ZNF534: variants seen among roughly 807,000 people sequenced by gnomAD.
ZNF534 encodes KRAB domain only 3.
A neutral mutation model predicts 13.6 loss-of-function variants in ZNF534; 19 were observed. That is an observed-to-expected ratio of 1.40 (90% confidence interval 0.97 to 2.05). ZNF534 has a LOEUF of 2.05. ZNF534 is among the 30% of genes most tolerant of loss of function. ZNF534 has a pLI of 0.00. For synonymous variants in ZNF534, 244 were observed against 273.8 expected (o/e 0.89, Z 1.07); for missense variants, 782 against 796.3 (o/e 0.98, Z 0.22).
chr19:52,438,829 T>C lies in ZNF534; in HGVS notation c.1369T>C (p.Cys457Arg). The C allele has an allele frequency of 6.2e-7, 1 of 1,610,996 alleles. No homozygotes were observed. The highest frequency in any genetic ancestry group is 8.5e-7 in the Non-Finnish European group (1 of 1,178,680). The change falls in exon 5 of 5, where the codon TGT becomes CGT. Residue 457 changes from cysteine (C) to arginine (R), a missense_variant. Around this residue, in one of 5 missense-constraint regions of ZNF534, gnomAD observed 591 missense variants for 574.0 expected, o/e 1.03. Coordinates refer to ENST00000433050, the MANE Select transcript of ZNF534 (RefSeq NM_001143938.3). Reference protein sequence around the residue: ...FRHKSSLTYHCRIHTGEKPYK... With the variant: ...FRHKSSLTYHRRIHTGEKPYK... ...GCACAAGTCTTCCCTAACCTATCAC[T>C]GTAGAATTCATACTGGAGAGAAGCC...
intron 4 of ZNF534, among the ~76,000 whole-genome samples, chr19:52,436,705 T>A (rs2608492): frequency 0.94 from 142,464 of 152,202 alleles, 66,917 homozygotes; most frequent in Non-Finnish European, 0.96. Context: ...ATTGTTTTCC[T>A]TTCCTTTTGC....
chr19:52,434,074 C>G lies in ZNF534; in HGVS notation c.135C>G (p.Val45=). ...TGTTAGAGAACTACAGGAACCTGGT[C>G]TCCCTAGGTGAGGATAATGTCCGTC... is the stretch of plus-strand genomic sequence containing the variant. ...DVMLENYRNL[V]SLGICLPDLS... The change falls in exon 3 of 5, where the codon GTC becomes GTG. Residue 45 remains valine, a synonymous_variant. Coordinates refer to ENST00000433050, the MANE Select transcript of ZNF534 (RefSeq NM_001143938.3). 1 of 1,614,012 alleles carries G rather than the reference C, an allele frequency of 6.2e-7. No individual in the cohort carries two copies. Among genetic ancestry groups the G allele is most frequent in the Non-Finnish European group, 8.5e-7 (1 of 1,179,954 alleles).
downstream of ZNF534, among the ~76,000 whole-genome samples, chr19:52,445,877 T>A (rs553096889): frequency 6.6e-6 from 1 of 152,326 alleles, no homozygotes; most frequent in East Asian, 1.9e-4. Flanking sequence ...CACATTGTAA[T>A]CCTTATTATA....
Position 52,438,192 on chromosome 19 carries a change from T to C in ZNF534, c.732T>C (p.Tyr244=), listed in dbSNP as rs1387970617. The change falls in exon 5 of 5, where the codon TAT becomes TAC. Residue 244 remains tyrosine, a synonymous_variant. Coordinates refer to ENST00000433050, the MANE Select transcript of ZNF534 (RefSeq NM_001143938.3). ...ATACTGGAGAGAAGCCTTACAAATA[T>C]AATGAATGTGGCAAAGTCTTCAATC... ...RIHTGEKPYK[Y]NECGKVFNQN... 5 of 1,614,014 alleles carry C rather than the reference T, an allele frequency of 3.1e-6. No individual in the cohort carries two copies. Among genetic ancestry groups the C allele is most frequent in the Non-Finnish European group, 4.2e-6 (5 of 1,180,024 alleles).
intron 4 of ZNF534, among the ~76,000 whole-genome samples, chr19:52,447,798 A>G (rs932659607): frequency 2.6e-5 from 4 of 152,188 alleles, no homozygotes; most frequent in African/African-American, 7.2e-5. Flanking sequence ...TGGAGTACAA[A>G]TCTTTTTATA....
At position 52,436,163 on chromosome 19, in the gene ZNF534, C is replaced by A. The variant is rs1296941981; in HGVS notation, c.271+954C>A. 2.0e-5 allele frequency among the ~76,000 whole-genome samples: 3 copies of A among 151,898 alleles called. No individual in the cohort carries two copies. The East Asian group carries it at 5.8e-4, about 29-fold the overall frequency. On this transcript the variant is annotated intron_variant, in intron 4 of 4. Transcript: ENST00000433050. ...CCGTGTTAGCCAGGATGTTCTCAAT[C>A]TCCTGACCTCATGATCCACACACCT... is the stretch of plus-strand genomic sequence containing the variant.
chr19:52,450,670 GTTTTT>G (rs796423133), intron 4 of ZNF534, among the ~76,000 whole-genome samples: 4 of 37,764 alleles, frequency 1.1e-4, no homozygotes, highest in African/African-American at 2.5e-4. Flanking sequence ...AATTTTAGGA[GTTTTT>G]TTTTTTTTTG....
At chr19:52,450,264 AAG>A (rs1446607327) in intron 4 of ZNF534, among the ~76,000 whole-genome samples, 1 of 152,084 alleles carries the variant, frequency 6.6e-6, no homozygotes, top group African/African-American at 2.4e-5. Context: ...CAATGCCCTG[AAG>A]AGTTTTCCTA....
At chr19:52,433,381 G>A (rs1398703502) in intron 2 of ZNF534, among the ~76,000 whole-genome samples, 1 of 151,216 alleles carries the variant, frequency 6.6e-6, no homozygotes, top group Non-Finnish European at 1.5e-5. Flanking sequence ...TTTGGGGGGG[G>A]GAGGGGACGG....
chr19:52,448,227 C>T (rs1006756981), intron 4 of ZNF534, among the ~76,000 whole-genome samples: 3 of 151,940 alleles, frequency 2.0e-5, no homozygotes, highest in Non-Finnish European at 4.4e-5. Context: ...CCAGCCTGGT[C>T]AACATGGTGA....
At chr19:52,452,103 A>T (rs12977338) in exon 5 of ZNF534, 2 of 167,082 alleles carry the variant, frequency 1.2e-5, no homozygotes, top group Non-Finnish European at 2.6e-5. Context: ...GAGATCATTT[A>T]AAAAAAGCAT....
At position 52,441,856 on chromosome 19, in the gene ZNF534, T is replaced by C. The variant is rs1453462701; in HGVS notation, c.*2410T>C. ...AATGCAACATATGTGGTAAAATGTTTTAGTCACAATTCACACCTTGGACAG... is the reference window on the plus strand; with the variant it reads ...AATGCAACATATGTGGTAAAATGTTCTAGTCACAATTCACACCTTGGACAG... On this transcript the variant is annotated 3_prime_UTR_variant, in exon 5 of 5. Coordinates refer to ENST00000433050, the MANE Select transcript of ZNF534 (RefSeq NM_001143938.3). 6.6e-6 allele frequency among the ~76,000 whole-genome samples: 1 copy of C among 152,224 alleles called. No homozygotes were observed. Among genetic ancestry groups the C allele is most frequent in the East Asian group, 1.9e-4 (1 of 5,198 alleles).
intron 1 of ZNF534, among the ~76,000 whole-genome samples, chr19:52,430,839 C>T (rs1271758901): frequency 7.0e-6 from 1 of 143,056 alleles, no homozygotes; most frequent in South Asian, 2.2e-4. Context: ...AACCACCACA[C>T]ATGGCCTTTT....
At chr19:52,433,646 A>T (rs112241839) in intron 2 of ZNF534, among the ~76,000 whole-genome samples, 6 of 152,342 alleles carry the variant, frequency 3.9e-5, no homozygotes, top group African/African-American at 9.6e-5. Flanking sequence ...GATTACAGGC[A>T]TGAGCCGCCG....
downstream of ZNF534, among the ~76,000 whole-genome samples, chr19:52,444,352 C>G (rs1364091405): frequency 1.3e-5 from 2 of 152,128 alleles, no homozygotes; most frequent in Non-Finnish European, 2.9e-5. Context: ...GTGATACGAA[C>G]TGTCTATGAG....
chr19:52,434,977 ATAT>A (rs1483963773), intron 3 of ZNF534, 101 bp from the exon 4 acceptor site: 5 of 1,385,526 alleles, frequency 3.6e-6, no homozygotes, highest in East Asian at 2.4e-5. Context: ...AATTTGTGAA[ATAT>A]TATTCTTGAT....
chr19:52,432,364 G>T (rs1156838885), intron 2 of ZNF534, among the ~76,000 whole-genome samples: 1 of 151,972 alleles, frequency 6.6e-6, no homozygotes, highest in African/African-American at 2.4e-5. Flanking sequence ...GATTCTTTAG[G>T]TTTGATTCTC....
intron 4 of ZNF534, among the ~76,000 whole-genome samples, chr19:52,450,155 C>A (rs1235563432): frequency 6.6e-6 from 1 of 152,176 alleles, no homozygotes; most frequent in Non-Finnish European, 1.5e-5. Context: ...GTTTCCTGTG[C>A]TGTGCAGAAT....
chr19:52,429,574 C>T (rs1160768045), intron 1 of ZNF534, among the ~76,000 whole-genome samples: 2 of 149,784 alleles, frequency 1.3e-5, no homozygotes. Flanking sequence ...TGTATCTGCT[C>T]GTTAGTCACT....
Sources: allele counts gnomAD v4.1 joint callset (sites outside exome capture counted in the v4.1 genomes callset), GRCh38; gene constraint gnomAD v4.1.1; regional missense constraint gnomAD v4.1.1; transcripts MANE v1.5; gene names NCBI Gene and HGNC (gene_info 2026-07-23, HGNC 2026-07-21).